C8orf82: variants seen among roughly 807,000 people sequenced by gnomAD.
C8orf82 encodes the protein UPF0598 protein C8orf82.
A neutral mutation model predicts 15.0 loss-of-function variants in C8orf82; 24 were observed. The ratio of observed to expected loss-of-function variants is 1.60; its 90% CI spans 1.16 to 2.24. The LOEUF (loss-of-function observed/expected upper bound fraction) is 2.24, where lower values mean the gene tolerates loss of function less well. Among genes scored for constraint, C8orf82 ranks in the 30% most tolerant of loss-of-function variants. C8orf82 has a pLI of 0.00. For missense variants in C8orf82, 388 were observed against 317.4 expected, an observed-to-expected ratio of 1.22 and a Z score of -1.69; for synonymous variants, 205 against 152.2, an observed-to-expected ratio of 1.35 and a Z score of -2.55.
chr8:144,528,256 G>T, intron 1 of C8orf82, 184 bp from the exon 2 acceptor site: 2 of 1,497,676 alleles, frequency 1.3e-6, no homozygotes, highest in South Asian at 1.3e-5. Flanking sequence ...ACTTATCCGC[G>T]TCTATGCGCA....
rs979569988 is a variant in C8orf82, at chr8:144,525,752, C to T, written c.*1590G>A. The T allele has an allele frequency of 2.0e-5, 3 of 152,148 alleles. No individual in the cohort carries two copies. The highest frequency in any genetic ancestry group is 2.0e-4 in the Admixed American group (3 of 15,270). 9.4% of individuals were successfully genotyped at this position (152,148 alleles called of 1,614,324 possible). On this transcript the variant is annotated 3_prime_UTR_variant, in exon 3 of 3. Coordinates refer to ENST00000524821, the MANE Select transcript of C8orf82 (RefSeq NM_001001795.2). ...GGTCTGTGCTTCCCATGCCGGTCCC[C>T]AGAAAGGTGTCCTGTCTTTGGGGAT...
At chr8:144,527,836 T>C (rs1721253139) in intron 2 of C8orf82, 49 bp from the exon 3 acceptor site, 1 of 1,576,620 alleles carries the variant, frequency 6.3e-7, no homozygotes, top group African/African-American at 1.3e-5. Flanking sequence ...TCCCAAGGCC[T>C]CCGGGCCCAG....
chr8:144,528,616 C>CGGGGGGGG, intron 1 of C8orf82, 145 bp downstream of exon 1: 13 of 295,996 alleles, frequency 4.4e-5, no homozygotes, highest in Non-Finnish European at 6.1e-5. Context: ...GCGCAGGCCC[C>CGGGGGGGG]GCCCACCCAC....
rs1468986876 is a variant in C8orf82, at chr8:144,528,867, C to T, written c.50G>A (p.Arg17Gln). 5.3e-6 allele frequency: 8 copies of T among 1,518,348 alleles called. No homozygotes were observed. The highest frequency in any genetic ancestry group is 2.1e-5 in the Admixed American group (1 of 47,264). 94.1% of individuals were successfully genotyped at this position (1,518,348 alleles called of 1,614,324 possible). A position where few individuals can be genotyped will look rare whatever the true frequency, so the allele number is the denominator to read the frequency against. The change falls in exon 1 of 3, where the codon CGG becomes CAG. Residue 17 changes from arginine to glutamine, a missense_variant. Physicochemically the swap from Arg to Gln is conservative, Grantham distance 43. Transcript: ENST00000524821. ...ATCCCCGCTGCAGGCCCGGGCTCCC[C>T]GCGACCGCGCCAAGGCCAGGGTCCG... ...TLRTLALARSRGARACSGDGG... is the reference protein window; with the variant it reads ...TLRTLALARSQGARACSGDGG...
intron 1 of C8orf82, 152 bp downstream of exon 1, chr8:144,528,609 C>CCGGGGGGGGGGGGGGGGGGGGGGGGGGGG: frequency 5.3e-6 from 2 of 375,024 alleles, no homozygotes; most frequent in African/African-American, 7.3e-5. Flanking sequence ...GCCCACCGCG[C>CCGGGGGGGGGGGGGGGGGGGGGGGGGGGG]AGGCCCCGCC....
chr8:144,528,099 A>G (rs1437577026), intron 1 of C8orf82, 27 bp from the exon 2 acceptor site: 1 of 1,611,402 alleles, frequency 6.2e-7, no homozygotes, highest in Non-Finnish European at 8.5e-7. Context: ...AGGCCGTGAT[A>G]AGTCCCAGCG....
At chr8:144,527,910 G>C in intron 2 of C8orf82, 114 bp downstream of exon 2, 1 of 1,501,594 alleles carries the variant, frequency 6.7e-7, no homozygotes, top group Non-Finnish European at 9.2e-7. Context: ...CGGGGCTCCT[G>C]AGCGCAGGAC....
At position 144,529,050 on chromosome 8, in the gene C8orf82, C is replaced by T. The variant is rs1586862819; in HGVS notation, c.-134G>A. 3.2e-6 allele frequency: 3 copies of T among 950,208 alleles called. No individual in the cohort carries two copies. Among genetic ancestry groups the T allele is most frequent in the African/African-American group, 1.8e-5 (1 of 56,398 alleles). The allele number at this position is 950,208 out of a possible 1,614,324, so 58.9% of individuals were successfully genotyped here. A position where few individuals can be genotyped will look rare whatever the true frequency, so the allele number is the denominator to read the frequency against. ...CCGCGACCCGGGCCCGGCGCTCTTC[C>T]CTCTCCCTCGGGCCTCGGGGGCTCG... On this transcript the variant is annotated 5_prime_UTR_variant, in exon 1 of 3. Coordinates refer to ENST00000524821, the MANE Select transcript of C8orf82 (RefSeq NM_001001795.2).
chr8:144,528,238 C>A, intron 1 of C8orf82, 166 bp from the exon 2 acceptor site: 1 of 1,484,678 alleles, frequency 6.7e-7, no homozygotes. Flanking sequence ...AACCTGGGGG[C>A]CCCGCCGACT....
chr8:144,528,108 C>T, intron 1 of C8orf82, 36 bp from the exon 2 acceptor site: 2 of 1,608,532 alleles, frequency 1.2e-6, no homozygotes, highest in East Asian at 2.2e-5. Context: ...TAAGTCCCAG[C>T]GTGCAGGTGG....
At position 144,527,213 on chromosome 8, in the gene C8orf82, G is replaced by T; in HGVS notation, c.*129C>A. ...CAGCACCAAGGACAGCGCCGGGTGGGGGCGGGGCCGAGCGCGCAGGCGCAC... is the reference window on the plus strand; with the variant it reads ...CAGCACCAAGGACAGCGCCGGGTGGTGGCGGGGCCGAGCGCGCAGGCGCAC... On this transcript the variant is annotated 3_prime_UTR_variant, in exon 3 of 3. Coordinates refer to ENST00000524821, the MANE Select transcript of C8orf82 (RefSeq NM_001001795.2). The T allele has an allele frequency of 1.8e-6, 1 of 551,520 alleles. No individual in the cohort carries two copies. The highest frequency in any genetic ancestry group is 2.5e-6 in the Non-Finnish European group (1 of 401,468). The allele number at this position is 551,520 out of a possible 1,614,324, so 34.2% of individuals were successfully genotyped here. A position where few individuals can be genotyped will look rare whatever the true frequency, so the allele number is the denominator to read the frequency against.
rs950161250 is a variant in C8orf82, at chr8:144,527,413, G to C, written c.580C>G (p.Arg194Gly). The change falls in exon 3 of 3, where the codon CGC becomes GGC. Residue 194 changes from arginine (R) to glycine (G), a missense_variant. Physicochemically the swap from Arg to Gly is moderately radical, Grantham distance 125. Transcript: ENST00000524821. ...AGGGCGAGGCGGCGGCCCTGCCAGCGCACGTGCGAGGGCAGCGCAGGCGCG... is the reference window on the plus strand; with the variant it reads ...AGGGCGAGGCGGCGGCCCTGCCAGCCCACGTGCGAGGGCAGCGCAGGCGCG... The part of the protein sequence containing the change: ...PGAPALPSHV[R>G]WQGRRLALTM... The C allele has an allele frequency of 2.4e-6, 3 of 1,242,942 alleles. No homozygotes were observed. Among genetic ancestry groups the C allele is most frequent in the East Asian group, 7.7e-5 (2 of 25,862 alleles). 77.0% of individuals were successfully genotyped at this position (1,242,942 alleles called of 1,614,324 possible). A position where few individuals can be genotyped will look rare whatever the true frequency, so the allele number is the denominator to read the frequency against.
Position 144,529,040 on chromosome 8 carries a change from G to C in C8orf82, c.-124C>G, listed in dbSNP as rs986560490. The C allele has an allele frequency of 8.6e-6, 9 of 1,043,974 alleles. No homozygotes were observed. The African/African-American group carries it at 1.4e-4, about 16-fold the overall frequency. 64.7% of individuals were successfully genotyped at this position (1,043,974 alleles called of 1,614,324 possible). On this transcript the variant is annotated 5_prime_UTR_variant, in exon 1 of 3. Coordinates refer to ENST00000524821, the MANE Select transcript of C8orf82 (RefSeq NM_001001795.2). Reference sequence around the variant, plus strand: ...GCGCCCGCCTCCGCGACCCGGGCCCGGCGCTCTTCCCTCTCCCTCGGGCCT... The same window carrying C: ...GCGCCCGCCTCCGCGACCCGGGCCCCGCGCTCTTCCCTCTCCCTCGGGCCT...
chr8:144,528,705 CGCCCAGAGA>C, intron 1 of C8orf82, 47 bp downstream of exon 1: 2 of 576,510 alleles, frequency 3.5e-6, no homozygotes, highest in African/African-American at 4.4e-5. Context: ...CCCCCCGCCC[CGCCCAGAGA>C]CCTCTCCCGG....
chr8:144,527,312 C>G lies in C8orf82; in HGVS notation c.*30G>C. On this transcript the variant is annotated 3_prime_UTR_variant, in exon 3 of 3. Coordinates refer to ENST00000524821, the MANE Select transcript of C8orf82 (RefSeq NM_001001795.2). ...CCGGGGGAGCGGGGCGAGAGGCGCC[C>G]GCGGCCTCCCGCCTTTCCCTTGGCC... 1.7e-6 allele frequency: 2 copies of G among 1,153,802 alleles called. No individual in the cohort carries two copies. The highest frequency in any genetic ancestry group is 2.1e-6 in the Non-Finnish European group (2 of 935,224). 71.5% of individuals were successfully genotyped at this position (1,153,802 alleles called of 1,614,324 possible).
chr8:144,527,716 GGAAA>G lies in C8orf82; in HGVS notation c.273_276del (p.Phe92ProfsTer26). The G allele has an allele frequency of 6.3e-7, 1 of 1,590,618 alleles. No individual in the cohort carries two copies. The highest frequency in any genetic ancestry group is 1.1e-5 in the South Asian group (1 of 89,870). ...TCTCTGCCGCAGGGCGAGAGGAAGGGGAAAGCGGCCTCGTAGCGCCCGCTGCGGT... is the reference window on the plus strand; with the variant it reads ...TCTCTGCCGCAGGGCGAGAGGAAGGGGCGGCCTCGTAGCGCCCGCTGCGGT... On this transcript the variant is annotated frameshift_variant, in exon 3 of 3. Transcript: ENST00000524821. LOFTEE classifies it high-confidence loss of function.
rs1816516753 is a variant in C8orf82 at position 144,528,921 on chromosome 8, C to T, written c.-5G>A. On this transcript the variant is annotated 5_prime_UTR_variant, in exon 1 of 3. Coordinates refer to ENST00000524821, the MANE Select transcript of C8orf82 (RefSeq NM_001001795.2). Reference sequence around the variant, plus strand: ...CGTCCCGCAAGGCGGCCACATTCTCCTCCCGCGCCGGAAGCGACCAGCAGG... The same window carrying T: ...CGTCCCGCAAGGCGGCCACATTCTCTTCCCGCGCCGGAAGCGACCAGCAGG... The T allele has an allele frequency of 1.3e-6, 2 of 1,503,814 alleles. No homozygotes were observed. The highest frequency in any genetic ancestry group is 1.5e-5 in the African/African-American group (1 of 68,714). The allele number at this position is 1,503,814 out of a possible 1,614,324, so 93.2% of individuals were successfully genotyped here.
At chr8:144,528,132 C>G in intron 1 of C8orf82, 60 bp from the exon 2 acceptor site, 1 of 1,593,902 alleles carries the variant, frequency 6.3e-7, no homozygotes. Context: ...CGGGGAAGCT[C>G]AGGAGGTCCT....
At chr8:144,528,234 G>A (rs1292379093) in intron 1 of C8orf82, 162 bp from the exon 2 acceptor site, 2 of 1,485,272 alleles carry the variant, frequency 1.3e-6, no homozygotes, top group East Asian at 5.0e-5. Flanking sequence ...GGTAAACCTG[G>A]GGGCCCCGCC....
Sources: allele counts gnomAD v4.1 joint callset, GRCh38; gene constraint gnomAD v4.1.1; transcripts MANE v1.5; gene names NCBI Gene and HGNC (gene_info 2026-07-23, HGNC 2026-07-21).